The following SPOP variants were observed in gnomAD, a reference collection of about 807,000 sequenced individuals.
SPOP encodes speckle-type POZ protein.
Under a neutral mutation model 45.6 loss-of-function variants are expected in SPOP, and 11 were observed. That is an observed-to-expected ratio of 0.24 (90% confidence interval 0.15 to 0.40). The LOEUF (loss-of-function observed/expected upper bound fraction) is 0.40. SPOP is among the 10% of genes least tolerant of loss of function. The pLI, the probability that SPOP is intolerant of heterozygous loss-of-function variation, is 1.00. For missense variants in SPOP, 152 were observed against 465.6 expected, an observed-to-expected ratio of 0.33 and a Z score of 6.20; for synonymous variants, 166 against 166.3, an observed-to-expected ratio of 1.00 and a Z score of 0.01.
intron 1 of SPOP, among the ~76,000 whole-genome samples, chr17:49,655,929 G>A (rs898203446): frequency 6.6e-6 from 1 of 152,106 alleles, no homozygotes; most frequent in Non-Finnish European, 1.5e-5. Context: ...TCCTGCCTCA[G>A]CCTCCTGAGT....
intron 1 of SPOP, among the ~76,000 whole-genome samples, chr17:49,662,780 G>A (rs990168490): frequency 5.3e-5 from 8 of 151,952 alleles, no homozygotes; most frequent in South Asian, 2.1e-4. Flanking sequence ...TATCCCATTC[G>A]TGTTGACATT....
At chr17:49,671,263 G>A (rs1277679396) in intron 1 of SPOP, among the ~76,000 whole-genome samples, 1 of 151,782 alleles carries the variant, frequency 6.6e-6, no homozygotes, top group Non-Finnish European at 1.5e-5. Context: ...GGTTCCAGAA[G>A]CTCCATATGG....
intron 1 of SPOP, among the ~76,000 whole-genome samples, chr17:49,638,916 G>C (rs1276115533): frequency 6.6e-6 from 1 of 152,240 alleles, no homozygotes; most frequent in Non-Finnish European, 1.5e-5. Flanking sequence ...GGGAGGCTGA[G>C]ACTGGAGAAT....
At chr17:49,668,974 C>T (rs1567806072) in intron 1 of SPOP, among the ~76,000 whole-genome samples, 1 of 150,686 alleles carries the variant, frequency 6.6e-6, no homozygotes. Flanking sequence ...GACGGGGTTT[C>T]ACCGCGTTAG....
intron 1 of SPOP, among the ~76,000 whole-genome samples, chr17:49,651,033 G>GT (rs1474089731): frequency 6.6e-6 from 1 of 152,160 alleles, no homozygotes; most frequent in East Asian, 1.9e-4. Context: ...GTTTAGAACA[G>GT]TACCTAGCTA....
In SPOP at chr17:49,662,640, T is replaced by C. The variant is rs558851616; in HGVS notation, c.-67+15293A>G. Among the ~76,000 whole-genome samples the C allele has an allele frequency of 1.7e-4, 26 of 151,906 alleles. No individual in the cohort carries two copies. The South Asian group carries it at 4.8e-3, about 28-fold the overall frequency. On this transcript the variant is annotated intron_variant, in intron 1 of 9. Coordinates refer to ENST00000504102, the MANE Select transcript of SPOP (RefSeq NM_001007228.2). ...AGGCGGAGGTTGCAGTGAGCCAAGA[T>C]TGCGCCACTGCACTCCAGCCTGGGC...
intron 1 of SPOP, among the ~76,000 whole-genome samples, chr17:49,626,163 G>A (rs967713239): frequency 6.6e-6 from 1 of 152,020 alleles, no homozygotes; most frequent in African/African-American, 2.4e-5. Flanking sequence ...TCCTTGCTTG[G>A]CTACTAAGAA....
At position 49,619,071 on chromosome 17, in the gene SPOP, G is replaced by A. The variant is rs1239714436; in HGVS notation, c.390C>T (p.Asp130=). ...QRAYRFVQGK[D]WGFKKFIRRD... The stretch of plus-strand genomic sequence containing the variant: ...TACGGATGAATTTCTTGAATCCCCA[G>A]TCTTTGCCTTGCACAAACCTATATG... Residue 130 remains aspartate, a synonymous_variant, in exon 5 of 10, where the codon GAC becomes GAT. Transcript: ENST00000504102. The surrounding 1 kb of genome is among the most constrained non-coding windows in gnomAD (Gnocchi z 4.9). The A allele has an allele frequency of 1.2e-6, 2 of 1,613,966 alleles. No homozygotes were observed. Among genetic ancestry groups the A allele is most frequent in the Non-Finnish European group, 1.7e-6 (2 of 1,180,028 alleles).
At chr17:49,645,544 C>A (rs557520099) in intron 1 of SPOP, among the ~76,000 whole-genome samples, 1 of 152,156 alleles carries the variant, frequency 6.6e-6, no homozygotes, top group East Asian at 1.9e-4. Flanking sequence ...ATCTGCCCAC[C>A]TCGGCCTCCC....
intron 1 of SPOP, among the ~76,000 whole-genome samples, chr17:49,641,797 G>A (rs1251112957): frequency 6.6e-6 from 1 of 152,050 alleles, no homozygotes; most frequent in Non-Finnish European, 1.5e-5. Context: ...CGAGGTGGGT[G>A]GATCACCTGA....
At chr17:49,612,929 CCTGTAGTTCCTT>C (rs2072005974) in intron 5 of SPOP, 1 of 152,136 alleles carries the variant, frequency 6.6e-6, no homozygotes, top group Non-Finnish European at 1.5e-5. Context: ...AAGTTAATGA[CCTGTAGTTCCTT>C]CTGTGCAGGA....
chr17:49,640,368 T>TA lies in SPOP; in HGVS notation c.-66-17493dup, dbSNP rs946166063. 3.1e-4 allele frequency among the ~76,000 whole-genome samples: 47 copies of TA among 151,514 alleles called. 1 individual carries two copies. Among genetic ancestry groups the TA allele is most frequent in the Middle Eastern group, 6.8e-3 (2 of 292 alleles). ...CATCTTGCAAATAATACAGTTTTTTTAAAAAAAAAGACAATTTAGGATGAG... is the reference window on the plus strand; with the variant it reads ...CATCTTGCAAATAATACAGTTTTTTTAAAAAAAAAAGACAATTTAGGATGAG... On this transcript the variant is annotated intron_variant, in intron 1 of 9. Coordinates refer to ENST00000504102, the MANE Select transcript of SPOP (RefSeq NM_001007228.2).
At chr17:49,635,294 C>G (rs2072521491) in intron 1 of SPOP, among the ~76,000 whole-genome samples, 1 of 152,186 alleles carries the variant, frequency 6.6e-6, no homozygotes, top group African/African-American at 2.4e-5. Flanking sequence ...TAAAACCACA[C>G]AGGCAGACAA....
At chr17:49,665,277 T>C (rs78006172) in intron 1 of SPOP, among the ~76,000 whole-genome samples, 15,620 of 152,142 alleles carry the variant, frequency 0.1, 1,058 homozygotes, top group East Asian at 0.29. Flanking sequence ...GTCCATTATA[T>C]ATCATGTGAA....
chr17:49,606,642 C>A (rs1746793976), intron 8 of SPOP, among the ~76,000 whole-genome samples: 1 of 151,496 alleles, frequency 6.6e-6, no homozygotes, highest in Admixed American at 6.6e-5. Flanking sequence ...TACAAGTGTG[C>A]ACCATCATGC....
At chr17:49,646,683 G>A (rs191115377) in intron 1 of SPOP, 3 of 152,140 alleles carry the variant, frequency 2.0e-5, no homozygotes, top group African/African-American at 7.2e-5. Flanking sequence ...AAAGTACTCT[G>A]ACATTTATGA....
chr17:49,660,928 T>C (rs2072979486), intron 1 of SPOP, among the ~76,000 whole-genome samples: 1 of 152,232 alleles, frequency 6.6e-6, no homozygotes, highest in African/African-American at 2.4e-5. Context: ...ATTGCGCCAC[T>C]GCACTCCAGC....
chr17:49,610,400 G>A (rs2143185301), intron 6 of SPOP, among the ~76,000 whole-genome samples: 1 of 152,242 alleles, frequency 6.6e-6, no homozygotes, highest in South Asian at 2.1e-4. Flanking sequence ...TGTATTTTTA[G>A]TAGACATGGG....
chr17:49,617,010 A>G (rs763386916), intron 5 of SPOP, among the ~76,000 whole-genome samples: 17 of 152,240 alleles, frequency 1.1e-4, no homozygotes, highest in Non-Finnish European at 1.9e-4. Context: ...ACAGGATAAG[A>G]GACTGCCAAG....
Sources: allele counts gnomAD v4.1 joint callset (sites outside exome capture counted in the v4.1 genomes callset), GRCh38; gene constraint gnomAD v4.1.1; non-coding constraint Gnocchi (gnomAD v3.1); transcripts MANE v1.5; gene names NCBI Gene and HGNC (gene_info 2026-07-23, HGNC 2026-07-21).